The following IGSF10 variants were observed in gnomAD, a reference collection of about 807,000 sequenced individuals.
IGSF10 encodes calvaria mechanical force protein 608.
In IGSF10, 126 loss-of-function variants were observed where a neutral mutation model predicts 128.2. That is an observed-to-expected ratio of 0.98 (90% CI 0.85 to 1.14). IGSF10 has a LOEUF of 1.14. Ranked by LOEUF, IGSF10 falls within the 50% of genes most tolerant of loss-of-function variation. The probability of loss-of-function intolerance (pLI) is 0.00; values close to 1 mark genes in which losing one functional copy is unlikely to be tolerated. For missense variants in IGSF10, 3,295 were observed against 3,149.8 expected, an observed-to-expected ratio of 1.05 and a Z score of -1.10; for synonymous variants, 1,185 against 1,146.2, an observed-to-expected ratio of 1.03 and a Z score of -0.68.
chr3:151,458,016 G>A (rs1721879772), intron 3 of IGSF10, among the ~76,000 whole-genome samples: 1 of 151,436 alleles, frequency 6.6e-6, no homozygotes, highest in Non-Finnish European at 1.5e-5. Flanking sequence ...TTTCATGAAC[G>A]TTTAAAATAC....
At chr3:151,496,465 T>C in the IGSF10 span, among the ~76,000 whole-genome samples, 9 of 146,296 alleles carry the variant, frequency 6.2e-5, no homozygotes, top group East Asian at 2.0e-4. Context: ...TCTGTCCTTG[T>C]GATAGTTTGC....
At chr3:151,560,888 C>T in the IGSF10 span, among the ~76,000 whole-genome samples, 3 of 152,154 alleles carry the variant, frequency 2.0e-5, no homozygotes, top group Non-Finnish European at 2.9e-5. Context: ...ACAACGTTGA[C>T]TTCTTGACCA....
chr3:151,469,653 T>C, the IGSF10 span, among the ~76,000 whole-genome samples: 70 of 152,260 alleles, frequency 4.6e-4, 1 homozygote, highest in East Asian at 0.012. Flanking sequence ...CCAACTGATA[T>C]AGGAAGAATT....
intron 5 of IGSF10, among the ~76,000 whole-genome samples, chr3:151,451,893 T>C (rs1721527509): frequency 6.6e-6 from 1 of 152,210 alleles, no homozygotes; most frequent in Admixed American, 6.5e-5. Context: ...AAATTCATTT[T>C]ATAGAAATGC....
the IGSF10 span, among the ~76,000 whole-genome samples, chr3:151,548,779 A>C: frequency 6.7e-6 from 1 of 150,220 alleles, no homozygotes; most frequent in Admixed American, 6.6e-5. Flanking sequence ...TAGAGGCCAG[A>C]CCTCTTGGAC....
At chr3:151,618,388 A>G in the IGSF10 span, among the ~76,000 whole-genome samples, 1 of 152,262 alleles carries the variant, frequency 6.6e-6, no homozygotes. Flanking sequence ...TCTTTGAAAC[A>G]ACTTTCCCAT....
At chr3:151,523,660 A>G in the IGSF10 span, among the ~76,000 whole-genome samples, 1 of 152,106 alleles carries the variant, frequency 6.6e-6, no homozygotes. Context: ...ATATACAAAA[A>G]TCAATGCAAG....
intron 2 of IGSF10, among the ~76,000 whole-genome samples, chr3:151,458,945 C>T (rs943763502): frequency 6.6e-6 from 1 of 152,188 alleles, no homozygotes; most frequent in African/African-American, 2.4e-5. Context: ...TTCTTCACAG[C>T]TTCTCACTTC....
At chr3:151,577,029 C>T in the IGSF10 span, among the ~76,000 whole-genome samples, 1 of 152,182 alleles carries the variant, frequency 6.6e-6, no homozygotes, top group Non-Finnish European at 1.5e-5. Context: ...GCCAAGGCCT[C>T]CTGGGCTGAA....
chr3:151,580,903 C>T, the IGSF10 span, among the ~76,000 whole-genome samples: 2 of 151,842 alleles, frequency 1.3e-5, no homozygotes, highest in Non-Finnish European at 2.9e-5. Flanking sequence ...CTATTGTCTT[C>T]TTTCTTCTCA....
chr3:151,533,859 G>C, the IGSF10 span, among the ~76,000 whole-genome samples: 2 of 152,188 alleles, frequency 1.3e-5, no homozygotes, highest in African/African-American at 2.4e-5. Flanking sequence ...TCATCAGAGT[G>C]AACAGGCGAC....
chr3:151,433,173 CGTT>C (rs1001921050), downstream of IGSF10: 8 of 160,464 alleles, frequency 5.0e-5, no homozygotes, highest in East Asian at 4.0e-4. Flanking sequence ...TTAATGATGA[CGTT>C]GTTTTTTTTT....
the IGSF10 span, among the ~76,000 whole-genome samples, chr3:151,557,982 C>A: frequency 3.3e-4 from 4 of 11,996 alleles, no homozygotes; most frequent in East Asian, 8.2e-3. Flanking sequence ...TTAACAGATG[C>A]AAAGCAAATA....
At chr3:151,512,313 C>A in the IGSF10 span, among the ~76,000 whole-genome samples, 76 of 152,282 alleles carry the variant, frequency 5.0e-4, no homozygotes, top group African/African-American at 1.6e-3. Flanking sequence ...GAAACTCACT[C>A]AAAACCGCTC....
chr3:151,564,641 T>C, the IGSF10 span, among the ~76,000 whole-genome samples: 1 of 152,184 alleles, frequency 6.6e-6, no homozygotes, highest in African/African-American at 2.4e-5. Flanking sequence ...CCATAGTTTT[T>C]ACCAGTTTGC....
chr3:151,489,338 G>A, the IGSF10 span, among the ~76,000 whole-genome samples: 2 of 152,180 alleles, frequency 1.3e-5, no homozygotes, highest in East Asian at 1.9e-4. Context: ...ATGCTGGAGA[G>A]GATGTGAAGA....
the IGSF10 span, among the ~76,000 whole-genome samples, chr3:151,530,146 C>A: frequency 2.6e-5 from 4 of 151,412 alleles, no homozygotes; most frequent in Admixed American, 2.6e-4. Flanking sequence ...TAAAGCAAGA[C>A]GTCAAGATTA....
At chr3:151,463,297 T>G (rs1260143515), upstream of IGSF10, among the ~76,000 whole-genome samples, 1 of 152,132 alleles carries the variant, frequency 6.6e-6, no homozygotes, top group Non-Finnish European at 1.5e-5. Context: ...TTAATAACAA[T>G]TCTAATATTT....
At chr3:151,514,364 T>C in the IGSF10 span, among the ~76,000 whole-genome samples, 3 of 152,116 alleles carry the variant, frequency 2.0e-5, no homozygotes, top group Non-Finnish European at 4.4e-5. Context: ...AAACAAGCAA[T>C]GGGGAAAGGA....
Sources: gnomAD v4.1 joint callset for allele counts (sites outside exome capture counted in the v4.1 genomes callset) on GRCh38, gnomAD v4.1.1 for gene constraint, MANE v1.5 for transcripts, NCBI Gene and HGNC (gene_info 2026-07-23, HGNC 2026-07-21) for gene names.